Variants in SRPK2 observed in about 807,000 individuals in gnomAD.
SRPK2 encodes the protein SRSF protein kinase 2.
A neutral mutation model predicts 90.8 loss-of-function variants in SRPK2; 21 were observed. The ratio of observed to expected loss-of-function variants is 0.23; its 90% CI spans 0.16 to 0.33. The LOEUF is 0.33. Among genes scored for constraint, SRPK2 ranks in the 10% least tolerant of loss-of-function variants. The pLI is 1.00. For missense variants in SRPK2, 620 were observed against 869.0 expected (o/e 0.71, Z 3.60); for synonymous variants, 288 against 311.1 (o/e 0.93, Z 0.78).
intron 2 of SRPK2, among the ~76,000 whole-genome samples, chr7:105,326,597 C>T (rs1453389342): frequency 6.6e-6 from 1 of 152,078 alleles, no homozygotes; most frequent in African/African-American, 2.4e-5. Context: ...ATTAATCACC[C>T]TCATAAATCC....
intron 2 of SRPK2, among the ~76,000 whole-genome samples, chr7:105,358,927 CAGAG>C (rs57910582): frequency 5.4e-5 from 8 of 148,396 alleles, no homozygotes; most frequent in African/African-American, 7.4e-5. Flanking sequence ...GCTAAGAACA[CAGAG>C]AGAGAGAGAG....
At chr7:105,294,162 C>A (rs1336197466) in intron 2 of SRPK2, among the ~76,000 whole-genome samples, 2 of 152,158 alleles carry the variant, frequency 1.3e-5, no homozygotes, top group Non-Finnish European at 2.9e-5. Context: ...ATAATCAGGC[C>A]CAATCCCCAA....
At chr7:105,273,423 CTTTT>C (rs1296489097) in intron 2 of SRPK2, among the ~76,000 whole-genome samples, 2 of 124,408 alleles carry the variant, frequency 1.6e-5, no homozygotes, top group Non-Finnish European at 1.9e-5. Flanking sequence ...TTTTCTTTTT[CTTTT>C]TTTCTTTTTT....
At chr7:105,145,565 T>C (rs1377510272) in intron 8 of SRPK2, among the ~76,000 whole-genome samples, 2 of 152,164 alleles carry the variant, frequency 1.3e-5, no homozygotes, top group East Asian at 1.9e-4. Context: ...GAAATACTAA[T>C]ACATCTCAAA....
At chr7:105,127,143 C>T (rs1169966918) in intron 13 of SRPK2, 81 bp from the exon 14 acceptor site, 23 of 1,342,420 alleles carry the variant, frequency 1.7e-5, no homozygotes, top group African/African-American at 5.8e-5. Flanking sequence ...TAGAAGAGAC[C>T]GCCACTTTAT....
intron 3 of SRPK2, among the ~76,000 whole-genome samples, chr7:105,185,198 T>C (rs1056268470): frequency 1.3e-5 from 2 of 151,778 alleles, no homozygotes; most frequent in African/African-American, 4.8e-5. Context: ...CAAAGTAGAA[T>C]TCAGAAATCA....
chr7:105,313,984 T>C (rs1397043380), intron 2 of SRPK2, among the ~76,000 whole-genome samples: 2 of 152,116 alleles, frequency 1.3e-5, no homozygotes, highest in Non-Finnish European at 2.9e-5. Flanking sequence ...TAAAATGACA[T>C]CTATTTGTTT....
chr7:105,262,874 A>T (rs1194400307), intron 2 of SRPK2, among the ~76,000 whole-genome samples: 1 of 152,170 alleles, frequency 6.6e-6, no homozygotes, highest in Non-Finnish European at 1.5e-5. Flanking sequence ...TACAATACCA[A>T]ATTGAAAAGA....
At chr7:105,131,470 T>C (rs550953080) in intron 13 of SRPK2, among the ~76,000 whole-genome samples, 32 of 152,368 alleles carry the variant, frequency 2.1e-4, no homozygotes, top group Non-Finnish European at 3.4e-4. Flanking sequence ...ATGGAAGAAC[T>C]TTAATACCTT....
intron 2 of SRPK2, among the ~76,000 whole-genome samples, chr7:105,239,392 T>G (rs1433149496): frequency 6.6e-6 from 1 of 152,254 alleles, no homozygotes; most frequent in African/African-American, 2.4e-5. Context: ...AATTTATCTT[T>G]GCATAGGTCA....
At chr7:105,352,586 T>A (rs970941312) in intron 2 of SRPK2, among the ~76,000 whole-genome samples, 1 of 152,226 alleles carries the variant, frequency 6.6e-6, no homozygotes. Flanking sequence ...CAGTAACTTG[T>A]TATGTGGTAA....
At chr7:105,247,531 A>AACAC (rs59040708) in intron 2 of SRPK2, among the ~76,000 whole-genome samples, 3,952 of 145,230 alleles carry the variant, frequency 0.027, 145 homozygotes, top group African/African-American at 0.08. Context: ...CACACACATA[A>AACAC]ACACACACAC....
intron 2 of SRPK2, among the ~76,000 whole-genome samples, chr7:105,276,145 A>C (rs1234890002): frequency 6.6e-6 from 1 of 151,920 alleles, no homozygotes; most frequent in Admixed American, 6.6e-5. Flanking sequence ...GCAGTGGTGC[A>C]ACGATAGCTC....
chr7:105,271,592 C>G (rs938872403), intron 2 of SRPK2, among the ~76,000 whole-genome samples: 4 of 152,216 alleles, frequency 2.6e-5, no homozygotes, highest in African/African-American at 9.6e-5. Context: ...TAACTGATTT[C>G]CATTCCACCA....
chr7:105,202,740 G>A (rs910970719), intron 3 of SRPK2, among the ~76,000 whole-genome samples: 4 of 152,228 alleles, frequency 2.6e-5, no homozygotes, highest in African/African-American at 9.6e-5. Flanking sequence ...GAACCCCACA[G>A]AATGTCTTTT....
At chr7:105,281,580 A>T (rs554481891) in intron 2 of SRPK2, among the ~76,000 whole-genome samples, 1 of 151,960 alleles carries the variant, frequency 6.6e-6, no homozygotes, top group Non-Finnish European at 1.5e-5. Flanking sequence ...TGAGCCTTGA[A>T]GTTTAAGGAT....
At position 105,133,101 on chromosome 7, in the gene SRPK2, T is replaced by G. The variant is rs1328343956; in HGVS notation, c.1547A>C (p.Lys516Thr). 1.2e-6 allele frequency: 2 copies of G among 1,614,172 alleles called. No homozygotes were observed. Among genetic ancestry groups the G allele is most frequent in the East Asian group, 2.2e-5 (1 of 44,888 alleles). The change falls in exon 12 of 16, where the codon AAA becomes ACA. Residue 516 changes from lysine to threonine, a missense_variant. Lys to Thr is a moderately conservative substitution (Grantham distance 78). Transcript: ENST00000393651. Reference protein sequence around the residue: ...ASSTGDLPKAKTRAADLLVNP... With the variant: ...ASSTGDLPKATTRAADLLVNP... ...CACCAACAAGTCAGCTGCCCGGGTT[T>G]TTGCTGGCATGAGCAAACAGCAGGA... is the stretch of plus-strand genomic sequence containing the variant.
chr7:105,297,764 C>T (rs1442788943), intron 2 of SRPK2, among the ~76,000 whole-genome samples: 4 of 123,470 alleles, frequency 3.2e-5, no homozygotes, highest in Admixed American at 2.8e-4. Flanking sequence ...TTTTTTGAGA[C>T]GGAGTCTTAC....
intron 2 of SRPK2, among the ~76,000 whole-genome samples, chr7:105,260,027 T>C (rs1285508691): frequency 6.6e-6 from 1 of 152,052 alleles, no homozygotes; most frequent in African/African-American, 2.4e-5. Flanking sequence ...AAAGTCAAAA[T>C]AGACAAATGG....
Sources: gnomAD v4.1 joint callset for allele counts (sites outside exome capture counted in the v4.1 genomes callset) on GRCh38, gnomAD v4.1.1 for gene constraint, MANE v1.5 for transcripts, NCBI Gene and HGNC (gene_info 2026-07-23, HGNC 2026-07-21) for gene names.